Variants in NTRK1 observed in about 807,000 individuals in gnomAD.
NTRK1 encodes high affinity nerve growth factor receptor.
NTRK1 carries 62 observed loss-of-function variants against 86.8 expected under a neutral mutation model. The observed-to-expected ratio is 0.71, with a 90% confidence interval of 0.58 to 0.88. The LOEUF is 0.88. Ranked by LOEUF, NTRK1 falls within the 40% of genes least tolerant of loss-of-function variation. The pLI is 0.00. For missense variants in NTRK1, 967 were observed against 1,078.4 expected (o/e 0.90, Z 1.45); for synonymous variants, 469 against 456.6 (o/e 1.03, Z -0.35).
chr1:156,876,001 G>A (rs2102916675), intron 12 of NTRK1, 79 bp from the exon 13 acceptor site: 3 of 1,605,132 alleles, frequency 1.9e-6, no homozygotes, highest in Non-Finnish European at 2.6e-6. Flanking sequence ...GCAGCACACA[G>A]CCCTGCCAAG....
intron 1 of NTRK1, chr1:156,841,161 G>T: frequency 7.4e-7 from 1 of 1,349,388 alleles, no homozygotes; most frequent in Non-Finnish European, 1.0e-6. Flanking sequence ...CACGCTCTCA[G>T]CCTCCTGCAC....
chr1:156,870,366 A>G (rs1647481267), intron 6 of NTRK1, among the ~76,000 whole-genome samples: 1 of 152,180 alleles, frequency 6.6e-6, no homozygotes, highest in African/African-American at 2.4e-5. Context: ...TGGGCAACAA[A>G]GCAAGACCCT....
intron 2 of NTRK1, chr1:156,844,557 A>G (rs755543297): frequency 6.2e-7 from 1 of 1,614,220 alleles, no homozygotes; most frequent in South Asian, 1.1e-5. Flanking sequence ...TCCAGGGGGC[A>G]GCAGGGCCAG....
At chr1:156,816,038 G>A (rs369870153) in intron 1 of NTRK1, 47 of 1,613,950 alleles carry the variant, frequency 2.9e-5, no homozygotes, top group Non-Finnish European at 3.1e-5. Flanking sequence ...CAGCTCCTGC[G>A]GGTCATGTCT....
chr1:156,881,318 A>T (rs540006667), intron 16 of NTRK1, 139 bp from the exon 17 acceptor site: 10 of 737,604 alleles, frequency 1.4e-5, no homozygotes, highest in Middle Eastern at 3.1e-4. Context: ...GACTGTGTCC[A>T]TTCGGGTTAT....
intron 1 of NTRK1, among the ~76,000 whole-genome samples, chr1:156,824,413 A>G (rs1654269663): frequency 1.3e-5 from 2 of 152,222 alleles, no homozygotes; most frequent in South Asian, 4.1e-4. Context: ...GGATTGAAGA[A>G]GCAGTAAAAT....
At chr1:156,830,540 T>A (rs1056885877) in intron 1 of NTRK1, among the ~76,000 whole-genome samples, 6 of 145,804 alleles carry the variant, frequency 4.1e-5, no homozygotes, top group African/African-American at 1.5e-4. Flanking sequence ...AGAAGAGAGG[T>A]TGTGGGATTC....
Position 156,873,596 on chromosome 1 carries a change from G to A in NTRK1, c.851-37G>A, listed in dbSNP as rs74118786. On this transcript the variant is annotated intron_variant, in intron 7 of 16. Transcript: ENST00000524377. The stretch of plus-strand genomic sequence containing the variant: ...TGTGTGCCAGGCTCCCTCCAGCTGC[G>A]CCCTGACCTCCTGCTGTTGCTCTTT... 1.1e-3 allele frequency: 1,725 copies of A among 1,585,382 alleles called. 11 individuals are homozygous for A. The African/African-American group carries it at 0.02, about 18-fold the overall frequency.
chr1:156,838,145 C>A (rs541786854), intron 1 of NTRK1, among the ~76,000 whole-genome samples: 32 of 152,058 alleles, frequency 2.1e-4, no homozygotes, highest in Non-Finnish European at 1.5e-5. Flanking sequence ...ACCTCCTCCC[C>A]CAGGCCTCTG....
chr1:156,855,243 G>A (rs371082399), intron 2 of NTRK1, among the ~76,000 whole-genome samples: 7 of 141,316 alleles, frequency 5.0e-5, no homozygotes, highest in African/African-American at 5.2e-5. Context: ...TCACTCTGTC[G>A]CCCAGGCTAG....
At chr1:156,831,814 AC>A (rs925323649) in intron 1 of NTRK1, among the ~76,000 whole-genome samples, 5 of 152,186 alleles carry the variant, frequency 3.3e-5, no homozygotes, top group African/African-American at 9.7e-5. Flanking sequence ...GAGTGCTGGA[AC>A]TAGAGGGCTA....
chr1:156,816,218 C>A, intron 1 of NTRK1: 4 of 1,429,828 alleles, frequency 2.8e-6, no homozygotes, highest in East Asian at 2.5e-5. Context: ...ACAGGAAAAA[C>A]GCAGAAGGGC....
intron 1 of NTRK1, among the ~76,000 whole-genome samples, chr1:156,824,934 A>G (rs1406418279): frequency 2.6e-5 from 4 of 152,298 alleles, no homozygotes; most frequent in African/African-American, 9.6e-5. Context: ...CTTGTCACCC[A>G]GGCTGGAGTA....
At chr1:156,875,897 G>C in intron 12 of NTRK1, 183 bp from the exon 13 acceptor site, 1 of 1,117,526 alleles carries the variant, frequency 8.9e-7, no homozygotes, top group South Asian at 1.4e-5. Flanking sequence ...GTCCTCTCGG[G>C]GCAGGTGCAG....
chr1:156,853,999 T>C (rs766384179), intron 2 of NTRK1: 4 of 1,613,688 alleles, frequency 2.5e-6, no homozygotes, highest in Admixed American at 1.7e-5. Flanking sequence ...CGGCCCCAAG[T>C]GCAGGCAGTG....
intron 14 of NTRK1, among the ~76,000 whole-genome samples, chr1:156,878,048 C>A (rs1478703875): frequency 6.6e-6 from 1 of 152,118 alleles, no homozygotes; most frequent in African/African-American, 2.4e-5. Context: ...CATCTGGGGC[C>A]CAGGCTGTGG....
chr1:156,828,406 G>A (rs1426422401), intron 1 of NTRK1, among the ~76,000 whole-genome samples: 1 of 151,834 alleles, frequency 6.6e-6, no homozygotes, highest in Non-Finnish European at 1.5e-5. Flanking sequence ...TTGACATTTT[G>A]AGGAAAAAAA....
chr1:156,831,397 C>A (rs1233054464), intron 1 of NTRK1, among the ~76,000 whole-genome samples: 1 of 152,172 alleles, frequency 6.6e-6, no homozygotes. Context: ...TTGCAATGAA[C>A]CTGCTGGGGC....
At chr1:156,830,618 G>A (rs112689823) in intron 1 of NTRK1, among the ~76,000 whole-genome samples, 3,287 of 144,364 alleles carry the variant, frequency 0.023, 47 homozygotes, top group Middle Eastern at 0.044. Context: ...GTGAAGTGGC[G>A]TGATCTCTGC....
Sources: gnomAD v4.1 joint callset for allele counts (sites outside exome capture counted in the v4.1 genomes callset) on GRCh38, gnomAD v4.1.1 for gene constraint, MANE v1.5 for transcripts, NCBI Gene and HGNC (gene_info 2026-07-23, HGNC 2026-07-21) for gene names.